Variants in ARHGAP39 observed in about 807,000 individuals in gnomAD.
ARHGAP39 encodes Rho GTPase activating protein 39.
ARHGAP39 carries 44 observed loss-of-function variants against 106.9 expected under a neutral mutation model. That is an observed-to-expected ratio of 0.41 (90% CI 0.32 to 0.53). The LOEUF (loss-of-function observed/expected upper bound fraction) is 0.53. Among genes scored for constraint, ARHGAP39 ranks in the 20% least tolerant of loss-of-function variants. The pLI, the probability that ARHGAP39 is intolerant of heterozygous loss-of-function variation, is 0.21. For missense variants in ARHGAP39, 1,496 were observed against 1,577.3 expected, an observed-to-expected ratio of 0.95 and a Z score of 0.87; for synonymous variants, 768 against 693.2, an observed-to-expected ratio of 1.11 and a Z score of -1.69.
At position 144,530,508 on chromosome 8, in the gene ARHGAP39, T is replaced by TGAC; in HGVS notation, c.3256_3258dup (p.Val1086dup). The TGAC allele has an allele frequency of 1.2e-6, 2 of 1,612,090 alleles. No individual in the cohort carries two copies. Among genetic ancestry groups the TGAC allele is most frequent in the Non-Finnish European group, 1.7e-6 (2 of 1,179,706 alleles). The stretch of plus-strand genomic sequence containing the variant: ...ATCTCCTTGCGGGTGTTCTCGAAGA[T>TGAC]GACGCGCGGGTCGTCGGACTGGCAG... On this transcript the variant is annotated inframe_insertion, in exon 12 of 12. Transcript: ENST00000377307.
intron 7 of ARHGAP39, 31 bp from the exon 8 acceptor site, chr8:144,534,233 T>G (rs764322225): frequency 2.2e-5 from 36 of 1,606,590 alleles, no homozygotes; most frequent in Non-Finnish European, 2.8e-5. Context: ...ATCAGCCTGA[T>G]GTGGGTGTGT....
intron 1 of ARHGAP39, among the ~76,000 whole-genome samples, chr8:144,675,684 A>G (rs1370616320): frequency 2.0e-5 from 3 of 150,386 alleles, no homozygotes. Flanking sequence ...TGGCTTCAGG[A>G]GTGAAACTGC....
chr8:144,591,482 TGAA>T lies in ARHGAP39; in HGVS notation c.81-10208_81-10206del, dbSNP rs776218108. 1.8e-4 allele frequency among the ~76,000 whole-genome samples: 28 copies of T among 152,156 alleles called. No individual in the cohort carries two copies. Among genetic ancestry groups the T allele is most frequent in the Non-Finnish European group, 2.8e-4 (19 of 68,016 alleles). On this transcript the variant is annotated intron_variant, in intron 2 of 11. Coordinates refer to ENST00000377307, the MANE Select transcript of ARHGAP39 (RefSeq NM_025251.3). The surrounding 1 kb of genome is among the most constrained non-coding windows in gnomAD (Gnocchi z 5.3). ...TGACCTAATTCAGGTGAACGGACCCTGAAGAAGGACTTGTTTGCATCCCCTTCC... is the reference window on the plus strand; with the variant it reads ...TGACCTAATTCAGGTGAACGGACCCTGAAGGACTTGTTTGCATCCCCTTCC...
chr8:144,654,184 T>C (rs1470773784), intron 1 of ARHGAP39, among the ~76,000 whole-genome samples: 2 of 152,098 alleles, frequency 1.3e-5, no homozygotes, highest in Non-Finnish European at 2.9e-5. Flanking sequence ...ACAGTAAAAG[T>C]AGTTGAAAAA....
chr8:144,553,245 T>C (rs1817785753), intron 4 of ARHGAP39, among the ~76,000 whole-genome samples: 1 of 152,150 alleles, frequency 6.6e-6, no homozygotes, highest in Non-Finnish European at 1.5e-5. Context: ...GTGCCCAGCT[T>C]GCCGTGGCAG....
At position 144,645,773 on chromosome 8, in the gene ARHGAP39, C is replaced by T. The variant is rs573368320; in HGVS notation, c.-82+39913G>A. Among the ~76,000 whole-genome samples, 6 of 152,322 alleles carry T rather than the reference C, an allele frequency of 3.9e-5. No homozygotes were observed. In the East Asian group the frequency reaches 1.2e-3, roughly 29 times the overall value. On this transcript the variant is annotated intron_variant, in intron 1 of 11. Coordinates refer to ENST00000377307, the MANE Select transcript of ARHGAP39 (RefSeq NM_025251.3). The surrounding 1 kb of genome is among the most constrained non-coding windows in gnomAD (Gnocchi z 4.4). The stretch of plus-strand genomic sequence containing the variant: ...GGCAGAGGTTTATTTTGTGTGGAAT[C>T]CCAACACTAAGGAAAGTCATAACCA...
chr8:144,630,700 G>A (rs1821038557), intron 1 of ARHGAP39, among the ~76,000 whole-genome samples: 1 of 152,202 alleles, frequency 6.6e-6, no homozygotes, highest in Admixed American at 6.5e-5. Context: ...CCACCCCAGG[G>A]GGTGATCACG....
At position 144,532,395 on chromosome 8, in the gene ARHGAP39, C is replaced by T. The variant is rs1816763378; in HGVS notation, c.2890G>A (p.Val964Ile). ...NGDQTEGIFR[V>I]PGDIDEVNAL... ...TTCACCTCGTCAATGTCCCCAGGGA[C>T]CCTGCAGGGCACAGGGCAGGTCTCA... Residue 964 changes from valine (V) to isoleucine (I), a missense_variant and splice_region_variant, in exon 10 of 12, where the codon GTC becomes ATC. Coordinates refer to ENST00000377307, the MANE Select transcript of ARHGAP39 (RefSeq NM_025251.3). 13 of 1,592,822 alleles carry T rather than the reference C, an allele frequency of 8.2e-6. No individual in the cohort carries two copies. Among genetic ancestry groups the T allele is most frequent in the Non-Finnish European group, 1.1e-5 (13 of 1,170,434 alleles).
At chr8:144,667,472 G>A (rs112114119) in intron 1 of ARHGAP39, among the ~76,000 whole-genome samples, 3 of 152,044 alleles carry the variant, frequency 2.0e-5, no homozygotes, top group Admixed American at 6.5e-5. Context: ...CACATGTCAC[G>A]TGTCTGCTTT....
intron 2 of ARHGAP39, among the ~76,000 whole-genome samples, chr8:144,602,312 T>C (rs112417794): frequency 0.06 from 7,563 of 126,330 alleles, 822 homozygotes; most frequent in African/African-American, 0.22. Flanking sequence ...CCTGTGTGTG[T>C]GCATGGAGGC....
chr8:144,606,977 T>G (rs1194469714), intron 1 of ARHGAP39, among the ~76,000 whole-genome samples: 1 of 150,500 alleles, frequency 6.6e-6, no homozygotes, highest in Non-Finnish European at 1.5e-5. Context: ...AGAACATCTG[T>G]TTATCAAGAA....
At chr8:144,566,005 G>T (rs943382652) in intron 3 of ARHGAP39, among the ~76,000 whole-genome samples, 3 of 151,876 alleles carry the variant, frequency 2.0e-5, no homozygotes, top group Non-Finnish European at 4.4e-5. Flanking sequence ...GAGGTGGGAG[G>T]ATCGCTTGAG....
intron 1 of ARHGAP39, among the ~76,000 whole-genome samples, chr8:144,606,610 AAGGAGG>A (rs537326469): frequency 2.0e-5 from 3 of 150,760 alleles, no homozygotes; most frequent in African/African-American, 7.3e-5. Flanking sequence ...GGAGGAGGAG[AAGGAGG>A]AGGAGGAGGA....
At chr8:144,608,034 G>A (rs1044460586) in intron 1 of ARHGAP39, among the ~76,000 whole-genome samples, 7 of 151,584 alleles carry the variant, frequency 4.6e-5, no homozygotes, top group South Asian at 4.2e-4. Context: ...GCATGTGCCC[G>A]AAATCCCAGC....
intron 2 of ARHGAP39, among the ~76,000 whole-genome samples, chr8:144,600,170 C>T (rs770569720): frequency 3.3e-5 from 5 of 150,310 alleles, no homozygotes; most frequent in South Asian, 2.1e-4. Context: ...TGCGTGGAGG[C>T]GTGTGTGCGC....
At chr8:144,672,197 C>G (rs1822118003) in intron 1 of ARHGAP39, among the ~76,000 whole-genome samples, 1 of 152,264 alleles carries the variant, frequency 6.6e-6, no homozygotes, top group Non-Finnish European at 1.5e-5. Context: ...AGCTGCTCCC[C>G]TTTATCAGCC....
At chr8:144,554,214 G>A (rs1001950019) in intron 4 of ARHGAP39, among the ~76,000 whole-genome samples, 1 of 152,172 alleles carries the variant, frequency 6.6e-6, no homozygotes, top group Non-Finnish European at 1.5e-5. Flanking sequence ...CAGCTCGTGG[G>A]GCCAGAGGCG....
intron 2 of ARHGAP39, among the ~76,000 whole-genome samples, chr8:144,598,378 A>G (rs1819710884): frequency 6.6e-6 from 1 of 152,188 alleles, no homozygotes. Context: ...AAGGTGCCAC[A>G]TGAGGACACA....
chr8:144,568,084 C>T (rs537752003), intron 3 of ARHGAP39, among the ~76,000 whole-genome samples: 1 of 152,288 alleles, frequency 6.6e-6, no homozygotes, highest in African/African-American at 2.4e-5. Context: ...GTAATCCCAG[C>T]ACCTTGGGAG....
Sources: gnomAD v4.1 joint callset for allele counts (sites outside exome capture counted in the v4.1 genomes callset) on GRCh38, gnomAD v4.1.1 for gene constraint, Gnocchi (gnomAD v3.1) non-coding constraint, MANE v1.5 for transcripts, NCBI Gene and HGNC (gene_info 2026-07-23, HGNC 2026-07-21) for gene names.